TBC1D5: variants seen among roughly 807,000 people sequenced by gnomAD.
The protein encoded by TBC1D5 is TBC1 domain family member 5.
Under a neutral mutation model 100.3 loss-of-function variants are expected in TBC1D5, and 75 were observed. That is an observed-to-expected ratio of 0.75 (90% confidence interval 0.62 to 0.91). The LOEUF (loss-of-function observed/expected upper bound fraction) is 0.91. TBC1D5 is among the 40% of genes least tolerant of loss of function. The pLI, the probability that TBC1D5 is intolerant of heterozygous loss-of-function variation, is 0.00. For missense variants in TBC1D5, 910 were observed against 942.4 expected (o/e 0.97, Z 0.45); for synonymous variants, 323 against 325.6 (o/e 0.99, Z 0.09).
intron 1 of TBC1D5, among the ~76,000 whole-genome samples, chr3:17,726,188 T>C (rs1360188364): frequency 6.6e-6 from 1 of 152,238 alleles, no homozygotes; most frequent in East Asian, 1.9e-4. Context: ...CGTGTGCATG[T>C]GTTTTTATGA....
At chr3:17,742,485 G>A (rs2077561001), upstream of TBC1D5, 1 of 152,750 alleles carries the variant, frequency 6.5e-6, no homozygotes, top group Non-Finnish European at 1.5e-5. Flanking sequence ...TTTTACCTGT[G>A]GCGCAGAAGG....
intron 16 of TBC1D5, among the ~76,000 whole-genome samples, chr3:17,240,305 A>G (rs896858266): frequency 2.6e-5 from 4 of 152,210 alleles, no homozygotes; most frequent in African/African-American, 9.6e-5. Context: ...TCGATTCATT[A>G]TAACTCAATG....
At chr3:17,578,714 G>A (rs540705913) in intron 2 of TBC1D5, among the ~76,000 whole-genome samples, 1 of 151,782 alleles carries the variant, frequency 6.6e-6, no homozygotes, top group Non-Finnish European at 1.5e-5. Flanking sequence ...ATGCTCATCA[G>A]GTAAAAAACA....
intron 3 of TBC1D5, among the ~76,000 whole-genome samples, chr3:17,433,710 T>C (rs111630438): frequency 0.091 from 13,856 of 152,052 alleles, 1,426 homozygotes; most frequent in African/African-American, 0.26. Flanking sequence ...CCAACAGTCC[T>C]GCAAAGTCTT....
rs1559924638 is a variant in TBC1D5, at chr3:17,455,478, ATGTATATATATGTG to A, written c.98-26973_98-26960del. Among the ~76,000 whole-genome samples the A allele has an allele frequency of 8.0e-3, 1,159 of 143,986 alleles. 12 individuals carry two copies. Among genetic ancestry groups the A allele is most frequent in the African/African-American group, 0.028 (1,071 of 37,948 alleles). 94.5% of individuals were successfully genotyped at this position (143,986 alleles called of 152,430 possible). A position where few individuals can be genotyped will look rare whatever the true frequency, so the allele number is the denominator to read the frequency against. On this transcript the variant is annotated intron_variant, in intron 3 of 21. Coordinates refer to ENST00000253692, the Ensembl canonical transcript of TBC1D5. ...TGTGTGTATATATATGTGTATATAT[ATGTATATATATGTG>A]TATATATATATGTGTGTGTGTATAT...
intron 4 of TBC1D5, among the ~76,000 whole-genome samples, chr3:17,425,507 G>A (rs542089094): frequency 1.4e-4 from 22 of 152,152 alleles, no homozygotes; most frequent in African/African-American, 4.6e-4. Context: ...TATGCCTGTC[G>A]TCCCAGCTAC....
At chr3:17,367,070 G>A (rs1050225528) in intron 13 of TBC1D5, among the ~76,000 whole-genome samples, 1 of 152,074 alleles carries the variant, frequency 6.6e-6, no homozygotes, top group African/African-American at 2.4e-5. Flanking sequence ...GACATTAATT[G>A]CATATCCCAC....
Position 17,678,936 on chromosome 3 carries a change from T to C in TBC1D5, c.-100-55023A>G, listed in dbSNP as rs546363259. Among the ~76,000 whole-genome samples, 26 of 151,316 alleles carry C rather than the reference T, an allele frequency of 1.7e-4. 1 individual carries two copies. Among genetic ancestry groups the C allele is most frequent in the African/African-American group, 5.9e-4 (24 of 40,764 alleles). On this transcript the variant is annotated intron_variant, in intron 1 of 21. Transcript: ENST00000253692. ...GATTTCTCAGTAGTAACACTGAATG[T>C]TGTGAAATGAAGCCTTTAATATCTA... is the stretch of plus-strand genomic sequence containing the variant.
chr3:17,165,110 G>T (rs903438712), intron 21 of TBC1D5, among the ~76,000 whole-genome samples: 8 of 152,198 alleles, frequency 5.3e-5, no homozygotes, highest in Admixed American at 1.3e-4. Flanking sequence ...GGCCGTGCCA[G>T]AACAAGGGTG....
At chr3:17,176,041 G>A (rs544666691) in intron 19 of TBC1D5, among the ~76,000 whole-genome samples, 108 of 152,330 alleles carry the variant, frequency 7.1e-4, no homozygotes, top group South Asian at 1.9e-3. Context: ...TGGGACTGGA[G>A]AACATGGAGA....
intron 7 of TBC1D5, among the ~76,000 whole-genome samples, chr3:17,404,056 A>C (rs1211010913): frequency 6.6e-6 from 1 of 152,108 alleles, no homozygotes. Context: ...GTTTTTAAAA[A>C]TTACTTAATA....
chr3:17,419,819 G>A (rs1575814400), intron 4 of TBC1D5, among the ~76,000 whole-genome samples: 1 of 152,172 alleles, frequency 6.6e-6, no homozygotes, highest in Middle Eastern at 3.4e-3. Context: ...GGGACTAGAG[G>A]CATGTGCCAC....
At chr3:17,661,487 T>C (rs2066638805) in intron 1 of TBC1D5, among the ~76,000 whole-genome samples, 1 of 150,110 alleles carries the variant, frequency 6.7e-6, no homozygotes, top group African/African-American at 2.4e-5. Flanking sequence ...GATTTTTCCC[T>C]AGTTATTCAT....
exon 1 of TBC1D5, chr3:17,739,951 G>C (rs1301867313): frequency 6.6e-6 from 1 of 152,018 alleles, no homozygotes; most frequent in Non-Finnish European, 1.5e-5. Context: ...ATTGCGGTGA[G>C]CTGAGATCGC....
At chr3:17,367,601 G>A (rs1575551655) in intron 13 of TBC1D5, among the ~76,000 whole-genome samples, 2 of 152,152 alleles carry the variant, frequency 1.3e-5, no homozygotes, top group Non-Finnish European at 2.9e-5. Flanking sequence ...GCTCACACGT[G>A]TAACCCCAGC....
In TBC1D5 at chr3:17,515,789, C is replaced by T. The variant is rs573053582; in HGVS notation, c.-35-7184G>A. Among the ~76,000 whole-genome samples the T allele has an allele frequency of 4.3e-4, 65 of 152,188 alleles. 1 individual carries two copies. The South Asian group carries it at 0.013, about 32-fold the overall frequency. On this transcript the variant is annotated intron_variant, in intron 2 of 21. Coordinates refer to ENST00000253692, the Ensembl canonical transcript of TBC1D5. ...ACACATCTTGTACAGATCACCATCT[C>T]AGAGTAAATGCATTATCTAGTAAGG...
intron 2 of TBC1D5, among the ~76,000 whole-genome samples, chr3:17,591,294 C>T (rs943174455): frequency 1.5e-5 from 2 of 134,902 alleles, no homozygotes; most frequent in African/African-American, 5.4e-5. Flanking sequence ...CATGGCCCCT[C>T]AATTAATTTC....
chr3:17,204,597 A>AT (rs1308455431), intron 18 of TBC1D5, among the ~76,000 whole-genome samples: 1 of 152,184 alleles, frequency 6.6e-6, no homozygotes, highest in Non-Finnish European at 1.5e-5. Flanking sequence ...GAAGATAAAG[A>AT]TAAGTGATGG....
At chr3:17,226,285 A>T (rs2074891720) in intron 17 of TBC1D5, among the ~76,000 whole-genome samples, 1 of 147,538 alleles carries the variant, frequency 6.8e-6, no homozygotes, top group Non-Finnish European at 1.5e-5. Flanking sequence ...TAAGCTACAT[A>T]CTGGTTCCAA....
Sources: allele counts gnomAD v4.1 joint callset (sites outside exome capture counted in the v4.1 genomes callset), GRCh38; gene constraint gnomAD v4.1.1; transcripts MANE v1.5; gene names NCBI Gene and HGNC (gene_info 2026-07-23, HGNC 2026-07-21).